Variants in PIK3CB observed in about 807,000 individuals in gnomAD.
PIK3CB encodes phosphatidylinositol 4,5-bisphosphate 3-kinase catalytic subunit beta isoform.
PIK3CB carries 39 observed loss-of-function variants against 136.8 expected under a neutral mutation model. That is an observed-to-expected ratio of 0.29 (90% CI 0.22 to 0.37). PIK3CB has a LOEUF of 0.37. Among genes scored for constraint, PIK3CB ranks in the 10% least tolerant of loss-of-function variants. The pLI is 1.00. For synonymous variants in PIK3CB, 428 were observed against 436.6 expected, an observed-to-expected ratio of 0.98 and a Z score of 0.25; for missense variants, 868 against 1,275.4, an observed-to-expected ratio of 0.68 and a Z score of 4.87.
intron 8 of PIK3CB, among the ~76,000 whole-genome samples, chr3:138,727,261 C>T (rs1172249947): frequency 1.3e-5 from 2 of 152,136 alleles, no homozygotes; most frequent in South Asian, 2.1e-4. Flanking sequence ...ACTGCAAATA[C>T]GATGGATTAG....
At chr3:138,739,316 T>C (rs1259181121) in intron 5 of PIK3CB, among the ~76,000 whole-genome samples, 3 of 151,886 alleles carry the variant, frequency 2.0e-5, no homozygotes, top group African/African-American at 7.3e-5. Context: ...TGGTGGTGCA[T>C]GCCTGTAGTC....
chr3:138,798,243 C>A (rs1178807734), intron 1 of PIK3CB, among the ~76,000 whole-genome samples: 2 of 152,128 alleles, frequency 1.3e-5, no homozygotes, highest in African/African-American at 4.8e-5. Context: ...CAGCTCACTG[C>A]ACCCTAGAAC....
intron 2 of PIK3CB, among the ~76,000 whole-genome samples, chr3:138,786,266 A>G (rs1418811683): frequency 6.6e-6 from 1 of 152,232 alleles, no homozygotes; most frequent in East Asian, 1.9e-4. Context: ...ATTTGTAGTC[A>G]TGAGCTATAT....
At chr3:138,818,643 CCTCACTCTCTCCT>C (rs1043576150) in intron 1 of PIK3CB, among the ~76,000 whole-genome samples, 17 of 152,102 alleles carry the variant, frequency 1.1e-4, no homozygotes, top group Admixed American at 2.6e-4. Context: ...CACCTCTTGA[CCTCACTCTCTCCT>C]CTCAGGCTAG....
At chr3:138,704,566 T>G in intron 11 of PIK3CB, 73 bp from the exon 12 acceptor site, 1 of 946,014 alleles carries the variant, frequency 1.1e-6, no homozygotes, top group Admixed American at 1.7e-5. Flanking sequence ...ATGACTACAT[T>G]TGTACTTAGA....
In PIK3CB at chr3:138,831,276, A is replaced by AAATTAAATT. The variant is rs1559896103; in HGVS notation, c.-122+3418_-122+3419insAATTTAATT. On this transcript the variant is annotated intron_variant, in intron 1 of 23. Coordinates refer to ENST00000674063, the MANE Select transcript of PIK3CB (RefSeq NM_006219.3). Reference sequence around the variant, plus strand: ...CCGTCTCAAATAAATAAAATAAAATAAAATAAAATTAAATTAAATTAAAAT... The same window carrying AAATTAAATT: ...CCGTCTCAAATAAATAAAATAAAATAAATTAAATTAAATAAAATTAAATTAAATTAAAAT... Among the ~76,000 whole-genome samples the AAATTAAATT allele has an allele frequency of 4.1e-3, 555 of 135,732 alleles. 3 individuals are homozygous for AAATTAAATT. Among genetic ancestry groups the AAATTAAATT allele is most frequent in the African/African-American group, 0.018 (511 of 27,722 alleles). The allele number at this position is 135,732 out of a possible 152,430, so 89.0% of individuals were successfully genotyped here.
chr3:138,782,868 A>T (rs1413412041), intron 2 of PIK3CB, among the ~76,000 whole-genome samples: 1 of 152,204 alleles, frequency 6.6e-6, no homozygotes, highest in African/African-American at 2.4e-5. Context: ...ACCATTATTC[A>T]TTTTTGGTCT....
intron 1 of PIK3CB, among the ~76,000 whole-genome samples, chr3:138,804,193 T>TG (rs1346615969): frequency 6.6e-6 from 1 of 151,972 alleles, no homozygotes; most frequent in African/African-American, 2.4e-5. Flanking sequence ...ACTTGGCCTC[T>TG]TATAGAGAAA....
At chr3:138,699,138 C>T (rs1422103903) in intron 12 of PIK3CB, 43 bp from the exon 13 acceptor site, 3 of 921,344 alleles carry the variant, frequency 3.3e-6, no homozygotes, top group Non-Finnish European at 4.7e-6. Flanking sequence ...ATTGTGCAAA[C>T]ACCACAGCGA....
chr3:138,732,109 A>C (rs1469501133), intron 8 of PIK3CB, among the ~76,000 whole-genome samples: 1 of 152,220 alleles, frequency 6.6e-6, no homozygotes, highest in Non-Finnish European at 1.5e-5. Context: ...GTTTTAATAT[A>C]GAATGAAGTG....
chr3:138,795,010 C>A (rs778952206), intron 2 of PIK3CB, among the ~76,000 whole-genome samples: 1 of 151,518 alleles, frequency 6.6e-6, no homozygotes, highest in Non-Finnish European at 1.5e-5. Context: ...CAGACTGAGA[C>A]CCCATTTTCT....
intron 1 of PIK3CB, among the ~76,000 whole-genome samples, chr3:138,803,121 G>C (rs1224643699): frequency 6.6e-6 from 1 of 152,148 alleles, no homozygotes; most frequent in East Asian, 1.9e-4. Flanking sequence ...AGATTCTAAA[G>C]GGCATCTTAA....
intron 12 of PIK3CB, among the ~76,000 whole-genome samples, chr3:138,702,271 C>G (rs1288937029): frequency 6.8e-6 from 1 of 147,026 alleles, no homozygotes; most frequent in Admixed American, 6.7e-5. Context: ...GATGGGGTCT[C>G]TCTGTATGGC....
chr3:138,656,411 A>G (rs1490483585), intron 22 of PIK3CB, 137 bp from the exon 23 acceptor site: 5 of 891,986 alleles, frequency 5.6e-6, no homozygotes, highest in Non-Finnish European at 8.2e-6. Context: ...TTCATTTCTG[A>G]TTTTTACTTC....
Position 138,791,683 on chromosome 3 carries a change from C to T in PIK3CB, c.-17+4780G>A, listed in dbSNP as rs143761129. On this transcript the variant is annotated intron_variant, in intron 2 of 23. Coordinates refer to ENST00000674063, the MANE Select transcript of PIK3CB (RefSeq NM_006219.3). ...TGCAGCTCATAGAACACATCAAGCA[C>T]ATCCAGCTTCAAACACTTTGTATTT... 3.8e-3 allele frequency among the ~76,000 whole-genome samples: 572 copies of T among 152,320 alleles called. 5 individuals carry two copies. The highest frequency in any genetic ancestry group is 0.013 in the African/African-American group (549 of 41,570).
chr3:138,786,783 G>C (rs955406276), intron 2 of PIK3CB, among the ~76,000 whole-genome samples: 1 of 152,102 alleles, frequency 6.6e-6, no homozygotes, highest in Non-Finnish European at 1.5e-5. Context: ...AAACAGTATT[G>C]AGACCAACAA....
At chr3:138,823,574 A>G (rs1933655015) in intron 1 of PIK3CB, among the ~76,000 whole-genome samples, 1 of 152,010 alleles carries the variant, frequency 6.6e-6, no homozygotes, top group Admixed American at 6.6e-5. Flanking sequence ...GTGGTGGCGC[A>G]TGCCTGTAAT....
At chr3:138,745,585 A>G (rs2108681029) in intron 4 of PIK3CB, among the ~76,000 whole-genome samples, 1 of 152,206 alleles carries the variant, frequency 6.6e-6, no homozygotes, top group East Asian at 1.9e-4. Context: ...GTAAGCCAAG[A>G]TCGCACCCCT....
intron 11 of PIK3CB, among the ~76,000 whole-genome samples, chr3:138,704,886 C>G (rs2044330772): frequency 6.6e-6 from 1 of 151,536 alleles, no homozygotes; most frequent in Non-Finnish European, 1.5e-5. Flanking sequence ...TAACAGACAC[C>G]AAAAGTAGAA....
Sources: gnomAD v4.1 joint callset for allele counts (sites outside exome capture counted in the v4.1 genomes callset) on GRCh38, gnomAD v4.1.1 for gene constraint, MANE v1.5 for transcripts, NCBI Gene and HGNC (gene_info 2026-07-23, HGNC 2026-07-21) for gene names.